GPHN: variants seen among roughly 807,000 people sequenced by gnomAD.
The protein encoded by GPHN is gephyrin.
Under a neutral mutation model 95.5 loss-of-function variants are expected in GPHN, and 17 were observed. The ratio of observed to expected loss-of-function variants is 0.18; its 90% CI spans 0.12 to 0.27. The LOEUF (loss-of-function observed/expected upper bound fraction) is 0.27, where lower values mean the gene tolerates loss of function less well. GPHN is among the 10% of genes least tolerant of loss of function. The probability of loss-of-function intolerance (pLI) is 1.00; values close to 1 mark genes in which losing one functional copy is unlikely to be tolerated. For missense variants in GPHN, 660 were observed against 978.1 expected (o/e 0.67, Z 4.34); for synonymous variants, 320 against 322.5 (o/e 0.99, Z 0.08).
At chr14:66,874,408 T>C (rs1229180184) in intron 4 of GPHN, among the ~76,000 whole-genome samples, 1 of 152,150 alleles carries the variant, frequency 6.6e-6, no homozygotes, top group Non-Finnish European at 1.5e-5. Context: ...AGAATGAGTT[T>C]GACAAATTGA....
At chr14:66,550,512 C>G (rs968489411) in intron 1 of GPHN, among the ~76,000 whole-genome samples, 1 of 152,176 alleles carries the variant, frequency 6.6e-6, no homozygotes, top group Non-Finnish European at 1.5e-5. Context: ...GAAGTGACAA[C>G]AAAGGGTTTT....
intron 2 of GPHN, among the ~76,000 whole-genome samples, chr14:66,756,292 A>C (rs1398163996): frequency 6.6e-6 from 1 of 152,138 alleles, no homozygotes; most frequent in Non-Finnish European, 1.5e-5. Flanking sequence ...AACTTTACAA[A>C]GTGCCCTAAC....
chr14:66,707,181 G>A (rs1245899902), intron 2 of GPHN, among the ~76,000 whole-genome samples: 2 of 152,194 alleles, frequency 1.3e-5, no homozygotes, highest in African/African-American at 4.8e-5. Context: ...TGGTGAGGCT[G>A]TGGAGAAATA....
At chr14:66,914,691 T>C (rs1596356190) in intron 5 of GPHN, among the ~76,000 whole-genome samples, 1 of 152,098 alleles carries the variant, frequency 6.6e-6, no homozygotes, top group Non-Finnish European at 1.5e-5. Context: ...ATTTATTCAA[T>C]AAATTGCTAG....
chr14:66,663,983 A>T (rs1286271731), intron 1 of GPHN, among the ~76,000 whole-genome samples: 1 of 152,190 alleles, frequency 6.6e-6, no homozygotes, highest in Admixed American at 6.5e-5. Context: ...TTCATAAACC[A>T]AGTTATTAGA....
At chr14:66,689,616 C>A (rs28878297) in intron 2 of GPHN, among the ~76,000 whole-genome samples, 49,713 of 151,838 alleles carry the variant, frequency 0.33, 11,917 homozygotes, top group African/African-American at 0.65. Flanking sequence ...AAGTTTTAGA[C>A]ATATTGATTT....
At chr14:66,659,295 G>A (rs1459272721) in intron 1 of GPHN, among the ~76,000 whole-genome samples, 1 of 151,604 alleles carries the variant, frequency 6.6e-6, no homozygotes, top group Non-Finnish European at 1.5e-5. Flanking sequence ...TTCCATTCTG[G>A]TCAAATAATA....
chr14:66,996,674 A>G (rs2071822502), intron 9 of GPHN, among the ~76,000 whole-genome samples: 1 of 152,194 alleles, frequency 6.6e-6, no homozygotes, highest in South Asian at 2.1e-4. Context: ...TCCAAAATTG[A>G]TTATTAAATA....
chr14:67,690,649 A>G, the GPHN span: 8 of 514,502 alleles, frequency 1.6e-5, no homozygotes, highest in African/African-American at 3.8e-5. Context: ...CTATGTGAAT[A>G]TGAAGTCCCA....
At chr14:67,317,907 G>A in the GPHN span, among the ~76,000 whole-genome samples, 30 of 152,186 alleles carry the variant, frequency 2.0e-4, no homozygotes, top group Non-Finnish European at 3.8e-4. Flanking sequence ...TAAAAAGCTC[G>A]AAAGTTGTAG....
chr14:66,692,021 G>A (rs1019414305), intron 2 of GPHN, among the ~76,000 whole-genome samples: 1 of 152,146 alleles, frequency 6.6e-6, no homozygotes, highest in African/African-American at 2.4e-5. Context: ...GAAATTCTAT[G>A]CAAAATATAT....
chr14:67,434,486 T>C, the GPHN span, among the ~76,000 whole-genome samples: 1 of 152,240 alleles, frequency 6.6e-6, no homozygotes, highest in Non-Finnish European at 1.5e-5. Context: ...AAAATGGGGC[T>C]GAAGGACTGT....
intron 9 of GPHN, among the ~76,000 whole-genome samples, chr14:66,995,055 C>T (rs1393126234): frequency 6.6e-6 from 1 of 152,064 alleles, no homozygotes; most frequent in Non-Finnish European, 1.5e-5. Context: ...CTACTGTCAC[C>T]TTCTCCAGTA....
the GPHN span, among the ~76,000 whole-genome samples, chr14:67,284,481 A>G: frequency 7.3e-6 from 1 of 136,248 alleles, no homozygotes; most frequent in African/African-American, 2.8e-5. Flanking sequence ...TAGTCCCAGC[A>G]TACTAGGGAG....
chr14:66,563,256 T>C (rs2060339041), intron 1 of GPHN, among the ~76,000 whole-genome samples: 1 of 152,184 alleles, frequency 6.6e-6, no homozygotes, highest in Admixed American at 6.5e-5. Flanking sequence ...TAACATCTAA[T>C]GTGACTAACT....
intron 21 of GPHN, among the ~76,000 whole-genome samples, chr14:67,171,299 G>A (rs1418368040): frequency 6.6e-6 from 1 of 151,496 alleles, no homozygotes; most frequent in Non-Finnish European, 1.5e-5. Context: ...TATTTCCTTG[G>A]TCACTTATGG....
At chr14:67,388,325 T>A in the GPHN span, 1 of 1,523,412 alleles carries the variant, frequency 6.6e-7, no homozygotes, top group South Asian at 1.1e-5. Context: ...GGAGACCCAA[T>A]TAGGAATTTG....
the GPHN span, among the ~76,000 whole-genome samples, chr14:67,524,752 T>C: frequency 2.0e-5 from 3 of 152,186 alleles, no homozygotes; most frequent in Non-Finnish European, 4.4e-5. Flanking sequence ...AATCCAGTAA[T>C]GCTGTTGTGG....
chr14:67,087,264 G>A (rs1445007130), intron 11 of GPHN, among the ~76,000 whole-genome samples: 1 of 152,062 alleles, frequency 6.6e-6, no homozygotes, highest in Admixed American at 6.6e-5. Context: ...AGTCATTCAT[G>A]TAGATTCTGA....
Sources: allele counts gnomAD v4.1 joint callset (sites outside exome capture counted in the v4.1 genomes callset), GRCh38; gene constraint gnomAD v4.1.1; transcripts MANE v1.5; gene names NCBI Gene and HGNC (gene_info 2026-07-23, HGNC 2026-07-21).